Variants in NEBL observed in about 807,000 individuals in gnomAD.
The protein encoded by NEBL is LIM and SH3 protein 2.
Under a neutral mutation model 140.2 loss-of-function variants are expected in NEBL, and 122 were observed. The ratio of observed to expected loss-of-function variants is 0.87; its 90% CI spans 0.75 to 1.01. The LOEUF is 1.01. NEBL is among the 50% of genes least tolerant of loss of function. NEBL has a pLI of 0.00. For synonymous variants in NEBL, 436 were observed against 398.9 expected (o/e 1.09, Z -1.11); for missense variants, 1,365 against 1,231.3 (o/e 1.11, Z -1.62).
intron 2 of NEBL, among the ~76,000 whole-genome samples, chr10:21,046,437 G>C (rs1834517481): frequency 6.6e-6 from 1 of 152,144 alleles, no homozygotes; most frequent in African/African-American, 2.4e-5. Context: ...GTGTACACAT[G>C]TATCAAAACA....
intron 3 of NEBL, among the ~76,000 whole-genome samples, chr10:21,240,352 G>A (rs1374150910): frequency 1.3e-5 from 2 of 151,988 alleles, no homozygotes; most frequent in Non-Finnish European, 2.9e-5. Flanking sequence ...TTTTTAAAAA[G>A]CCATGATGTG....
At chr10:20,878,629 A>G (rs1845731993) in intron 5 of NEBL, among the ~76,000 whole-genome samples, 1 of 152,218 alleles carries the variant, frequency 6.6e-6, no homozygotes, top group African/African-American at 2.4e-5. Context: ...CTCCAGAGGA[A>G]TATCAACTAC....
intron 2 of NEBL, among the ~76,000 whole-genome samples, chr10:21,098,142 G>T (rs553908975): frequency 6.6e-6 from 1 of 152,192 alleles, no homozygotes; most frequent in Non-Finnish European, 1.5e-5. Flanking sequence ...CAGCAATAGG[G>T]CTAAAGCTGC....
At chr10:20,833,558 A>G (rs775901898) in intron 14 of NEBL, among the ~76,000 whole-genome samples, 1 of 152,190 alleles carries the variant, frequency 6.6e-6, no homozygotes, top group Middle Eastern at 3.4e-3. Context: ...AGCCACGTGA[A>G]TCAATTTACA....
chr10:20,875,718 TAGCC>T (rs575325601), intron 5 of NEBL, among the ~76,000 whole-genome samples: 34 of 151,838 alleles, frequency 2.2e-4, no homozygotes, highest in African/African-American at 3.4e-4. Context: ...GCAGGAGTGA[TAGCC>T]AGCCAGCCAG....
At chr10:21,228,137 T>C (rs935267933) in intron 3 of NEBL, among the ~76,000 whole-genome samples, 2 of 151,808 alleles carry the variant, frequency 1.3e-5, no homozygotes, top group African/African-American at 4.8e-5. Context: ...GTTGTTGTTG[T>C]TGCTATTTCT....
intron 1 of NEBL, among the ~76,000 whole-genome samples, chr10:21,274,347 C>A (rs1016590946): frequency 7.9e-5 from 12 of 152,310 alleles, no homozygotes; most frequent in Admixed American, 3.3e-4. Flanking sequence ...TGACAAGAAG[C>A]CTTACCAATC....
chr10:20,840,805 TC>T lies in NEBL; in HGVS notation c.1271del (p.Gly424GlufsTer33). ...KDLENEIKGKGMELNSEVLDI... is the reference protein window; with the variant it reads ...KDLENEIKGKXMELNSEVLDI... ...CAAGAACTTCTGAATTAAGTTCCAT[TC>T]CTTTCCCTTTTATCTCATTTTCCAA... On this transcript the variant is annotated frameshift_variant, in exon 13 of 28. Coordinates refer to ENST00000377122, the MANE Select transcript of NEBL (RefSeq NM_006393.3). LOFTEE classifies it high-confidence loss of function. 6.2e-7 allele frequency: 1 copy of T among 1,610,870 alleles called. No homozygotes were observed. Among genetic ancestry groups the T allele is most frequent in the Non-Finnish European group, 8.5e-7 (1 of 1,177,780 alleles).
At chr10:20,818,785 C>G in intron 20 of NEBL, 3 of 986,598 alleles carry the variant, frequency 3.0e-6, no homozygotes, top group Non-Finnish European at 2.4e-6. Context: ...GCAAACACAG[C>G]TAAGGTACAG....
chr10:20,960,635 A>T (rs1836007112), intron 4 of NEBL, among the ~76,000 whole-genome samples: 2 of 152,036 alleles, frequency 1.3e-5, no homozygotes, highest in Non-Finnish European at 2.9e-5. Flanking sequence ...TGCAAATTTT[A>T]TATGTGTGTA....
At chr10:20,957,898 T>C (rs1236226537) in intron 4 of NEBL, among the ~76,000 whole-genome samples, 1 of 152,202 alleles carries the variant, frequency 6.6e-6, no homozygotes, top group Non-Finnish European at 1.5e-5. Context: ...GACTTCACCA[T>C]TTTATTTCAC....
chr10:20,801,051 A>G (rs1837072114), intron 26 of NEBL, among the ~76,000 whole-genome samples: 1 of 152,180 alleles, frequency 6.6e-6, no homozygotes, highest in Non-Finnish European at 1.5e-5. Context: ...CTTCTTCTTC[A>G]GCTCATCTAG....
At position 21,140,236 on chromosome 10, in the gene NEBL, A is replaced by T. The variant is rs182947848; in HGVS notation, c.164+32147T>A. 3.8e-3 allele frequency among the ~76,000 whole-genome samples: 575 copies of T among 152,290 alleles called. 5 individuals carry two copies. Among genetic ancestry groups the T allele is most frequent in the Non-Finnish European group, 6.4e-3 (434 of 68,012 alleles). On this transcript the variant is annotated intron_variant, in intron 2 of 6. Coordinates refer to the NEBL transcript ENST00000417816. Reference sequence around the variant, plus strand: ...AATCTGATATCTTTGAAAATGTGCCAGATTTGAATTGATTTTAGATGTGAT... The same window carrying T: ...AATCTGATATCTTTGAAAATGTGCCTGATTTGAATTGATTTTAGATGTGAT...
chr10:21,169,068 ATAT>A (rs1160096163), intron 2 of NEBL, among the ~76,000 whole-genome samples: 50 of 18,040 alleles, frequency 2.8e-3, no homozygotes, highest in African/African-American at 6.5e-3. Flanking sequence ...AAAAAAAAAA[ATAT>A]ATATATATAT....
In NEBL at chr10:21,120,422, A is replaced by ATATATATATATATATATATATT. The variant is rs1191813457; in HGVS notation, c.164+51960_164+51961insAATATATATATATATATATATA. ...TATATATATATATATATATATATAT[A>ATATATATATATATATATATATT]TAAATTTGATCACTGGTTTAAAGTA... On this transcript the variant is annotated intron_variant, in intron 2 of 6. Coordinates refer to the NEBL transcript ENST00000417816. Among the ~76,000 whole-genome samples, 59 of 87,106 alleles carry ATATATATATATATATATATATT rather than the reference A, an allele frequency of 6.8e-4. 1 individual carries two copies. The highest frequency in any genetic ancestry group is 4.1e-3 in the East Asian group (6 of 1,480). The allele number at this position is 87,106 out of a possible 152,430, so 57.1% of individuals were successfully genotyped here. A position where few individuals can be genotyped will look rare whatever the true frequency, so the allele number is the denominator to read the frequency against.
At chr10:20,949,721 T>A (rs913886435) in intron 4 of NEBL, among the ~76,000 whole-genome samples, 3 of 152,226 alleles carry the variant, frequency 2.0e-5, no homozygotes, top group Non-Finnish European at 4.4e-5. Flanking sequence ...ATACTGTGGT[T>A]TGATTTCCTT....
chr10:21,152,322 G>A (rs143953771), intron 2 of NEBL, among the ~76,000 whole-genome samples: 2 of 152,266 alleles, frequency 1.3e-5, no homozygotes, highest in African/African-American at 2.4e-5. Context: ...TTTTAAATCC[G>A]TTAGTCCCAA....
At chr10:21,109,145 T>C (rs956110977) in intron 2 of NEBL, among the ~76,000 whole-genome samples, 1 of 152,182 alleles carries the variant, frequency 6.6e-6, no homozygotes, top group Non-Finnish European at 1.5e-5. Flanking sequence ...TTGTCATAGA[T>C]AGCTCTTATT....
intron 26 of NEBL, among the ~76,000 whole-genome samples, chr10:20,797,019 G>A (rs921755001): frequency 6.6e-6 from 1 of 152,148 alleles, no homozygotes; most frequent in Non-Finnish European, 1.5e-5. Flanking sequence ...GCAGTTCTTC[G>A]ATAAGGGGAA....
Sources: gnomAD v4.1 joint callset for allele counts (sites outside exome capture counted in the v4.1 genomes callset) on GRCh38, gnomAD v4.1.1 for gene constraint, MANE v1.5 for transcripts, NCBI Gene and HGNC (gene_info 2026-07-23, HGNC 2026-07-21) for gene names.